Variants in FLT1 observed in about 807,000 individuals in gnomAD.
FLT1 encodes the protein fms related receptor tyrosine kinase 1.
A neutral mutation model predicts 156.3 loss-of-function variants in FLT1; 49 were observed. The ratio of observed to expected loss-of-function variants is 0.31; its 90% CI spans 0.25 to 0.40. The LOEUF (loss-of-function observed/expected upper bound fraction) is 0.40, where lower values mean the gene tolerates loss of function less well. Ranked by LOEUF, FLT1 falls within the 10% of genes least tolerant of loss-of-function variation. The pLI is 1.00. For missense variants in FLT1, 1,322 were observed against 1,637.2 expected (o/e 0.81, Z 3.32); for synonymous variants, 594 against 583.8 (o/e 1.02, Z -0.25).
intron 10 of FLT1, among the ~76,000 whole-genome samples, chr13:28,423,284 T>A (rs1028441752): frequency 6.6e-6 from 1 of 152,166 alleles, no homozygotes; most frequent in Non-Finnish European, 1.5e-5. Flanking sequence ...ATTACTTCAT[T>A]CCCTCATGAC....
chr13:28,426,197 A>G (rs1332075215), intron 10 of FLT1, among the ~76,000 whole-genome samples: 1 of 151,634 alleles, frequency 6.6e-6, no homozygotes, highest in Non-Finnish European at 1.5e-5. Context: ...AAAAGTAATA[A>G]GGAAAATAGT....
intron 10 of FLT1, among the ~76,000 whole-genome samples, chr13:28,423,474 T>G (rs980830074): frequency 2.7e-5 from 4 of 148,538 alleles, no homozygotes; most frequent in Admixed American, 1.4e-4. Context: ...TTGCATTCAT[T>G]TCTTAGAAAT....
At chr13:28,345,649 T>C (rs1872537308) in intron 15 of FLT1, 98 bp from the exon 16 acceptor site, 5 of 788,970 alleles carry the variant, frequency 6.3e-6, no homozygotes, top group Admixed American at 2.0e-5. Context: ...CCCTAAATGG[T>C]TTATCATAGC....
At chr13:28,351,377 G>A (rs1021313274) in intron 15 of FLT1, among the ~76,000 whole-genome samples, 10 of 152,174 alleles carry the variant, frequency 6.6e-5, no homozygotes, top group African/African-American at 2.4e-4. Flanking sequence ...ATTTAGGTAT[G>A]AACGAGAAGA....
At chr13:28,349,425 TACACACACACACAC>T (rs34182100) in intron 15 of FLT1, among the ~76,000 whole-genome samples, 9 of 146,926 alleles carry the variant, frequency 6.1e-5, no homozygotes, top group African/African-American at 1.3e-4. Flanking sequence ...GGCCTTGCTG[TACACACACACACAC>T]ACACACACAC....
At chr13:28,319,627 C>A in intron 23 of FLT1, 93 bp from the exon 24 acceptor site, 2 of 741,062 alleles carry the variant, frequency 2.7e-6, no homozygotes. Context: ...AGATAACATA[C>A]GGCCTATAAA....
chr13:28,418,402 C>T (rs1009957032), intron 10 of FLT1, among the ~76,000 whole-genome samples: 9 of 152,184 alleles, frequency 5.9e-5, no homozygotes, highest in Admixed American at 3.3e-4. Context: ...TCAGCTCTAA[C>T]TCACGACAGA....
chr13:28,312,329 C>T (rs1871038656), intron 25 of FLT1, among the ~76,000 whole-genome samples: 1 of 152,146 alleles, frequency 6.6e-6, no homozygotes, highest in Admixed American at 6.5e-5. Flanking sequence ...GACTAACCAA[C>T]CCACCAGAGC....
chr13:28,306,778 G>C lies in FLT1; in HGVS notation c.3721-6C>G, dbSNP rs1280945997. 6.2e-7 allele frequency: 1 copy of C among 1,603,722 alleles called. No individual in the cohort carries two copies. Among genetic ancestry groups the C allele is most frequent in the South Asian group, 1.1e-5 (1 of 90,874 alleles). On this transcript the variant is annotated splice_polypyrimidine_tract_variant and splice_region_variant and intron_variant, in intron 28 of 29. Transcript: ENST00000282397. ...CTGCTGTCGCCCTGGTAGTCCTAGG[G>C]GGAGAAGGAGAAAGGTTATACTCTT...
At chr13:28,398,047 T>C (rs548841368) in intron 11 of FLT1, among the ~76,000 whole-genome samples, 2 of 151,982 alleles carry the variant, frequency 1.3e-5, no homozygotes, top group Non-Finnish European at 2.9e-5. Flanking sequence ...AGAAAAAAAA[T>C]TGGCAATATG....
In FLT1 at chr13:28,301,259, A is replaced by G. The variant is rs1870504345; in HGVS notation, c.*1908T>C. The G allele has an allele frequency of 4.3e-6, 1 of 230,204 alleles. No individual in the cohort carries two copies. The highest frequency in any genetic ancestry group is 8.5e-6 in the Non-Finnish European group (1 of 117,798). The allele number at this position is 230,204 out of a possible 1,614,324, so 14.3% of individuals were successfully genotyped here. On this transcript the variant is annotated 3_prime_UTR_variant, in exon 30 of 30. Transcript: ENST00000282397. Reference sequence around the variant, plus strand: ...CAGTTACCTGATTTATAAAATTGCCAGCTGTCACAGGTGGTTTGCGTATGT... The same window carrying G: ...CAGTTACCTGATTTATAAAATTGCCGGCTGTCACAGGTGGTTTGCGTATGT...
chr13:28,399,566 C>T (rs9319429), intron 11 of FLT1, among the ~76,000 whole-genome samples: 42,094 of 152,000 alleles, frequency 0.28, 6,193 homozygotes, highest in East Asian at 0.44. Flanking sequence ...TGTAGGTAAC[C>T]TGGGAATGGC....
intron 14 of FLT1, among the ~76,000 whole-genome samples, chr13:28,359,966 C>CG (rs1873048751): frequency 6.6e-6 from 1 of 152,034 alleles, no homozygotes; most frequent in Non-Finnish European, 1.5e-5. Flanking sequence ...CAAAAATTAG[C>CG]GGGGTGTGGT....
At chr13:28,482,200 TC>T (rs1371219677) in intron 1 of FLT1, among the ~76,000 whole-genome samples, 1 of 152,140 alleles carries the variant, frequency 6.6e-6, no homozygotes, top group Non-Finnish European at 1.5e-5. Context: ...ACGCCTGTAA[TC>T]CCAACACTCT....
chr13:28,319,553 G>C lies in FLT1; in HGVS notation c.3175-19C>G, dbSNP rs764942559. The C allele has an allele frequency of 2.0e-6, 3 of 1,482,032 alleles. No homozygotes were observed. The highest frequency in any genetic ancestry group is 2.8e-6 in the Non-Finnish European group (3 of 1,061,234). 91.8% of individuals were successfully genotyped at this position (1,482,032 alleles called of 1,614,324 possible). A position where few individuals can be genotyped will look rare whatever the true frequency, so the allele number is the denominator to read the frequency against. ...GTCGAGTCTAGAAGAGGGCAAGGGG[G>C]CCTTGAGCAGAAGGGCATGAAAACA... On this transcript the variant is annotated intron_variant, in intron 23 of 29. Transcript: ENST00000282397.
intron 13 of FLT1, chr13:28,389,532 C>A (rs369414598): frequency 4.9e-6 from 7 of 1,425,448 alleles, no homozygotes; most frequent in East Asian, 5.0e-5. Flanking sequence ...CCCGGAGCAG[C>A]CCCCTCGGCC....
At position 28,324,300 on chromosome 13, in the gene FLT1, C is replaced by T. The variant is rs1381935004; in HGVS notation, c.2797-1354G>A. 2.0e-5 allele frequency among the ~76,000 whole-genome samples: 3 copies of T among 152,182 alleles called. No homozygotes were observed. The South Asian group carries it at 6.2e-4, about 32-fold the overall frequency. ...TCAGTGGTGTCCCTTGATCCATTTG[C>T]ATGGTGTGGCAGTTCTAGGATTAAC... On this transcript the variant is annotated intron_variant, in intron 20 of 29. Coordinates refer to ENST00000282397, the MANE Select transcript of FLT1 (RefSeq NM_002019.4).
intron 20 of FLT1, among the ~76,000 whole-genome samples, chr13:28,324,672 T>C (rs1387456614): frequency 6.6e-6 from 1 of 152,244 alleles, no homozygotes; most frequent in Non-Finnish European, 1.5e-5. Context: ...CACAAGATCC[T>C]TTGTGGGACA....
chr13:28,452,159 T>C (rs1422417378), intron 3 of FLT1, among the ~76,000 whole-genome samples: 11 of 152,226 alleles, frequency 7.2e-5, no homozygotes, highest in African/African-American at 2.7e-4. Flanking sequence ...CATGCACTCC[T>C]GTCCCTTCTC....
Sources: allele counts gnomAD v4.1 joint callset (sites outside exome capture counted in the v4.1 genomes callset), GRCh38; gene constraint gnomAD v4.1.1; transcripts MANE v1.5; gene names NCBI Gene and HGNC (gene_info 2026-07-23, HGNC 2026-07-21).